Variants in STEAP4 observed in about 807,000 individuals in gnomAD.
STEAP4 encodes the protein STEAP4 metalloreductase, also known as metalloreductase STEAP4.
In STEAP4, 36 loss-of-function variants were observed where a neutral mutation model predicts 43.6. The observed-to-expected ratio is 0.83, with a 90% CI of 0.63 to 1.09. STEAP4 has a LOEUF of 1.09. Ranked by LOEUF, STEAP4 falls within the 50% of genes least tolerant of loss-of-function variation. The pLI is 0.00. For missense variants in STEAP4, 495 were observed against 546.5 expected (o/e 0.91, Z 0.94); for synonymous variants, 191 against 196.7 (o/e 0.97, Z 0.24).
At chr7:88,283,318 A>C in intron 2 of STEAP4, 150 bp from the exon 3 acceptor site, 1 of 882,120 alleles carries the variant, frequency 1.1e-6, no homozygotes, top group Non-Finnish European at 1.6e-6. Context: ...ATATGTAACA[A>C]GATGTTTTAA....
At position 88,276,336 on chromosome 7, in the gene STEAP4, C is replaced by T. The variant is rs962656647; in HGVS notation, c.*3062G>A. On this transcript the variant is annotated 3_prime_UTR_variant, in exon 5 of 5. Coordinates refer to ENST00000380079, the MANE Select transcript of STEAP4 (RefSeq NM_024636.4). Reference sequence around the variant, plus strand: ...ATCCCTGAAGGGAAGTATTTTTAGTCCCAGATGCTGGAACTACTGTGATTC... The same window carrying T: ...ATCCCTGAAGGGAAGTATTTTTAGTTCCAGATGCTGGAACTACTGTGATTC... 6.6e-6 allele frequency: 1 copy of T among 152,288 alleles called. No homozygotes were observed. Among genetic ancestry groups the T allele is most frequent in the East Asian group, 1.9e-4 (1 of 5,194 alleles). 9.4% of individuals were successfully genotyped at this position (152,288 alleles called of 1,614,324 possible).
At chr7:88,304,702 C>CAA (rs66646552) in intron 1 of STEAP4, among the ~76,000 whole-genome samples, 76 of 143,050 alleles carry the variant, frequency 5.3e-4, no homozygotes, top group African/African-American at 1.9e-3. Context: ...TAAGATTTTC[C>CAA]AAAAAAAAAA....
intron 1 of STEAP4, among the ~76,000 whole-genome samples, chr7:88,288,468 C>A (rs1446010007): frequency 6.6e-6 from 1 of 152,174 alleles, no homozygotes; most frequent in Non-Finnish European, 1.5e-5. Context: ...CTGTGCCCAG[C>A]TAAAGATTTA....
At chr7:88,291,016 TAGTA>T (rs577956264) in intron 1 of STEAP4, 8 of 152,174 alleles carry the variant, frequency 5.3e-5, no homozygotes, top group African/African-American at 1.9e-4. Flanking sequence ...TCTTGAGACC[TAGTA>T]AGTGTTTAAG....
intron 1 of STEAP4, among the ~76,000 whole-genome samples, chr7:88,297,888 C>T (rs140529456): frequency 1.8e-4 from 28 of 152,262 alleles, no homozygotes; most frequent in Admixed American, 1.8e-3. Context: ...CACATTTTAG[C>T]TTGGCCAAGC....
rs1852558972 is a variant in STEAP4 at position 88,278,857 on chromosome 7, T to G, written c.*541A>C. 6.4e-6 allele frequency: 1 copy of G among 155,486 alleles called. No individual in the cohort carries two copies. Among genetic ancestry groups the G allele is most frequent in the South Asian group, 1.9e-4 (1 of 5,278 alleles). The allele number at this position is 155,486 out of a possible 1,614,324, so 9.6% of individuals were successfully genotyped here. The stretch of plus-strand genomic sequence containing the variant: ...AAGAAAAGCAAAGTCAAGGGGTCAT[T>G]TCACTAGAATTCATCATGGTAATAT... On this transcript the variant is annotated 3_prime_UTR_variant, in exon 5 of 5. Coordinates refer to ENST00000380079, the MANE Select transcript of STEAP4 (RefSeq NM_024636.4).
chr7:88,284,552 C>CA (rs961496833), intron 1 of STEAP4, among the ~76,000 whole-genome samples: 1 of 151,856 alleles, frequency 6.6e-6, no homozygotes, highest in Non-Finnish European at 1.5e-5. Context: ...CAAAATCTGA[C>CA]AAAAAATATG....
rs980466745 is a variant in STEAP4 at position 88,276,424 on chromosome 7, G to A, written c.*2974C>T. On this transcript the variant is annotated 3_prime_UTR_variant, in exon 5 of 5. Transcript: ENST00000380079. ...TTAAAACCAGAATTAAACAAAACTA[G>A]GAAATATTTTTAAAGTAACATTTAA... 2.6e-4 allele frequency: 39 copies of A among 151,978 alleles called. No individual in the cohort carries two copies. Among genetic ancestry groups the A allele is most frequent in the Non-Finnish European group, 1.0e-4 (7 of 68,008 alleles). 9.4% of individuals were successfully genotyped at this position (151,978 alleles called of 1,614,324 possible). A position where few individuals can be genotyped will look rare whatever the true frequency, so the allele number is the denominator to read the frequency against.
Position 88,279,532 on chromosome 7 carries a change from G to A in STEAP4, c.1246C>T (p.Leu416Phe), listed in dbSNP as rs759614393. Residue 416 changes from leucine (L) to phenylalanine (F), a missense_variant, in exon 5 of 5, where the codon CTT becomes TTT. Transcript: ENST00000380079. Reference protein sequence around the residue: ...FLSPSNLRWYLPAAYVLGLII... With the variant: ...FLSPSNLRWYFPAAYVLGLII... ...AGCCCTAACACGTAGGCTGCAGGAAGATACCATCTGAGATTTGAAGGGCTG... is the reference window on the plus strand; with the variant it reads ...AGCCCTAACACGTAGGCTGCAGGAAAATACCATCTGAGATTTGAAGGGCTG... The A allele has an allele frequency of 6.2e-7, 1 of 1,614,144 alleles. No individual in the cohort carries two copies. Among genetic ancestry groups the A allele is most frequent in the Admixed American group, 1.7e-5 (1 of 59,994 alleles).
At chr7:88,301,008 G>A (rs989828096) in intron 1 of STEAP4, among the ~76,000 whole-genome samples, 6 of 152,092 alleles carry the variant, frequency 3.9e-5, no homozygotes, top group Non-Finnish European at 8.8e-5. Flanking sequence ...GTTCCCTAAG[G>A]GAGATAGATA....
chr7:88,282,998 C>T lies in STEAP4; in HGVS notation c.627G>A (p.Val209=). Residue 209 remains valine (V), a synonymous_variant, in exon 3 of 5, where the codon GTG becomes GTA. Coordinates refer to ENST00000380079, the MANE Select transcript of STEAP4 (RefSeq NM_024636.4). ...AATAGAAAAACAAGAAGACACACAG[C>T]ACAGCAGACAAATAGAAGGGGAACC... The part of the protein sequence containing the change: ...MWRFPFYLSA[V]LCVFLFFYCV... 6.2e-7 allele frequency: 1 copy of T among 1,613,626 alleles called. No individual in the cohort carries two copies. Among genetic ancestry groups the T allele is most frequent in the Non-Finnish European group, 8.5e-7 (1 of 1,179,812 alleles).
Position 88,279,170 on chromosome 7 carries a change from A to G in STEAP4, c.*228T>C, listed in dbSNP as rs994506948. 3.8e-6 allele frequency: 2 copies of G among 522,802 alleles called. No homozygotes were observed. The highest frequency in any genetic ancestry group is 6.9e-6 in the Non-Finnish European group (2 of 291,402). 32.4% of individuals were successfully genotyped at this position (522,802 alleles called of 1,614,324 possible). A position where few individuals can be genotyped will look rare whatever the true frequency, so the allele number is the denominator to read the frequency against. On this transcript the variant is annotated 3_prime_UTR_variant, in exon 5 of 5. Coordinates refer to ENST00000380079, the MANE Select transcript of STEAP4 (RefSeq NM_024636.4). ...GCTCCATGGCCTCTGGGAAAATAAG[A>G]GTCAGGGACCTGCACTGATTCTTCA... is the stretch of plus-strand genomic sequence containing the variant.
intron 1 of STEAP4, among the ~76,000 whole-genome samples, chr7:88,296,195 T>C (rs1852921045): frequency 6.6e-6 from 1 of 152,194 alleles, no homozygotes. Flanking sequence ...TACAGCATAA[T>C]GTGATAACGT....
Position 88,283,051 on chromosome 7 carries a change from A to ATTT in STEAP4, c.573_574insAAA (p.Lys191dup), listed in dbSNP as rs1852655552. The stretch of plus-strand genomic sequence containing the variant: ...CACATTGGAAATAGCTGCAGGGGGT[A>ATTT]CTTTTCAATTTCTTTGGCTGCCATG... On this transcript the variant is annotated inframe_insertion, in exon 3 of 5. Transcript: ENST00000380079. The ATTT allele has an allele frequency of 6.2e-7, 1 of 1,613,574 alleles. No individual in the cohort carries two copies. Among genetic ancestry groups the ATTT allele is most frequent in the Non-Finnish European group, 8.5e-7 (1 of 1,179,776 alleles).
chr7:88,299,648 G>A (rs1586753884), intron 1 of STEAP4, among the ~76,000 whole-genome samples: 1 of 152,158 alleles, frequency 6.6e-6, no homozygotes. Flanking sequence ...GCTTTTCTAG[G>A]TCTATTGTGG....
chr7:88,291,300 A>G (rs1241581344), intron 1 of STEAP4, among the ~76,000 whole-genome samples: 1 of 151,922 alleles, frequency 6.6e-6, no homozygotes, highest in African/African-American at 2.4e-5. Flanking sequence ...CTTGGCCAAC[A>G]TGGTGACACC....
chr7:88,289,555 G>A (rs910284230), intron 1 of STEAP4, among the ~76,000 whole-genome samples: 4 of 152,126 alleles, frequency 2.6e-5, no homozygotes, highest in Non-Finnish European at 2.9e-5. Flanking sequence ...TCTTACCGGA[G>A]CTTATCTGAA....
At chr7:88,293,872 T>G (rs1041481604) in intron 1 of STEAP4, among the ~76,000 whole-genome samples, 9 of 152,082 alleles carry the variant, frequency 5.9e-5, no homozygotes, top group Non-Finnish European at 1.3e-4. Context: ...GGTACAGTGA[T>G]TCTTCCCACT....
At chr7:88,285,003 T>C (rs1309239766) in intron 1 of STEAP4, among the ~76,000 whole-genome samples, 1 of 152,160 alleles carries the variant, frequency 6.6e-6, no homozygotes, top group African/African-American at 2.4e-5. Flanking sequence ...ACTTTAGTTA[T>C]TGTTCTGAAA....
Sources: allele counts gnomAD v4.1 joint callset (sites outside exome capture counted in the v4.1 genomes callset), GRCh38; gene constraint gnomAD v4.1.1; transcripts MANE v1.5; gene names NCBI Gene and HGNC (gene_info 2026-07-23, HGNC 2026-07-21).